TMEM244: variants seen among roughly 807,000 people sequenced by gnomAD.
TMEM244 encodes the protein transmembrane protein 244, also known as putative transmembrane protein 244.
In TMEM244, 13 loss-of-function variants were observed where a neutral mutation model predicts 15.8. That is an observed-to-expected ratio of 0.82 (90% CI 0.53 to 1.30). The LOEUF (loss-of-function observed/expected upper bound fraction) is 1.30, where lower values mean the gene tolerates loss of function less well. Ranked by LOEUF, TMEM244 falls within the 50% of genes most tolerant of loss-of-function variation. The pLI, the probability that TMEM244 is intolerant of heterozygous loss-of-function variation, is 0.00. For synonymous variants in TMEM244, 45 were observed against 48.7 expected, an observed-to-expected ratio of 0.92 and a Z score of 0.32; for missense variants, 161 against 144.9, an observed-to-expected ratio of 1.11 and a Z score of -0.57.
At chr6:129,848,534 A>G (rs1360601996) in intron 1 of TMEM244, among the ~76,000 whole-genome samples, 4 of 152,154 alleles carry the variant, frequency 2.6e-5, no homozygotes, top group East Asian at 1.9e-4. Context: ...CTTGGAAGGA[A>G]TCAATCTGGA....
At chr6:129,839,831 T>G (rs189929949) in intron 3 of TMEM244, among the ~76,000 whole-genome samples, 13 of 152,166 alleles carry the variant, frequency 8.5e-5, no homozygotes, top group Non-Finnish European at 1.8e-4. Flanking sequence ...CATTCACAAT[T>G]GCTACAAAGA....
intron 2 of TMEM244, 74 bp downstream of exon 2, chr6:129,845,693 A>C: frequency 9.2e-7 from 1 of 1,081,226 alleles, no homozygotes; most frequent in Non-Finnish European, 1.4e-6. Context: ...AAGACATATG[A>C]AATGTTAAAT....
intron 4 of TMEM244, among the ~76,000 whole-genome samples, chr6:129,831,706 T>C (rs1263764496): frequency 6.6e-6 from 1 of 152,198 alleles, no homozygotes. Flanking sequence ...TCCAAACCAC[T>C]TCACTCTGAA....
intron 3 of TMEM244, 62 bp downstream of exon 3, chr6:129,843,468 A>G (rs1776518196): frequency 8.4e-7 from 1 of 1,188,328 alleles, no homozygotes; most frequent in Non-Finnish European, 1.2e-6. Context: ...TTATTAAAAA[A>G]TTTATGGGGT....
At position 129,845,871 on chromosome 6, in the gene TMEM244, T is replaced by G; in HGVS notation, c.34-19A>C. 1 of 1,566,804 alleles carries G rather than the reference T, an allele frequency of 6.4e-7. No homozygotes were observed. Among genetic ancestry groups the G allele is most frequent in the Non-Finnish European group, 8.8e-7 (1 of 1,142,174 alleles). On this transcript the variant is annotated intron_variant, in intron 1 of 4. Transcript: ENST00000368143. ...AAACAACCTGTGGAGAAAACAGGCA[T>G]GAGGTCCAAGAGCCTGGGATTTTTC... is the stretch of plus-strand genomic sequence containing the variant.
intron 3 of TMEM244, among the ~76,000 whole-genome samples, chr6:129,842,250 A>G (rs929033770): frequency 2.0e-5 from 3 of 152,210 alleles, no homozygotes; most frequent in Non-Finnish European, 2.9e-5. Flanking sequence ...AAACACACAC[A>G]TGGCCCATAC....
At chr6:129,851,489 C>G (rs1189208792) in intron 1 of TMEM244, among the ~76,000 whole-genome samples, 2 of 152,074 alleles carry the variant, frequency 1.3e-5, no homozygotes, top group African/African-American at 2.4e-5. Flanking sequence ...AGGGTGGTCT[C>G]AAACTCCTGA....
chr6:129,857,290 C>T (rs1193118662), intron 1 of TMEM244, among the ~76,000 whole-genome samples: 2 of 150,822 alleles, frequency 1.3e-5, no homozygotes, highest in Admixed American at 6.7e-5. Context: ...AATAGTATCT[C>T]TAACATATAT....
chr6:129,832,031 C>T (rs912926820), intron 4 of TMEM244, among the ~76,000 whole-genome samples: 5 of 150,592 alleles, frequency 3.3e-5, no homozygotes, highest in East Asian at 1.9e-4. Context: ...CTAATAGCAG[C>T]GAAGCTAGGA....
intron 1 of TMEM244, among the ~76,000 whole-genome samples, chr6:129,848,446 C>A (rs879843817): frequency 6.6e-6 from 1 of 152,138 alleles, no homozygotes; most frequent in Non-Finnish European, 1.5e-5. Flanking sequence ...GGGACAGGCA[C>A]CTACTGCCTC....
chr6:129,859,412 G>A (rs1012506266), intron 1 of TMEM244, among the ~76,000 whole-genome samples: 4 of 152,192 alleles, frequency 2.6e-5, no homozygotes, highest in Admixed American at 2.6e-4. Flanking sequence ...CACAGCAAAG[G>A]CTCCGTCCTA....
intron 1 of TMEM244, among the ~76,000 whole-genome samples, chr6:129,857,386 C>T (rs988975116): frequency 6.6e-6 from 1 of 151,728 alleles, no homozygotes; most frequent in East Asian, 1.9e-4. Context: ...GATGGAGTCT[C>T]GCTCTGTCAC....
chr6:129,834,243 C>T (rs1451337455), intron 3 of TMEM244, among the ~76,000 whole-genome samples: 2 of 152,156 alleles, frequency 1.3e-5, no homozygotes, highest in Non-Finnish European at 2.9e-5. Flanking sequence ...CCACAAATCT[C>T]TAAGAGCCCT....
chr6:129,838,878 G>A (rs544541579), intron 3 of TMEM244, among the ~76,000 whole-genome samples: 50 of 152,236 alleles, frequency 3.3e-4, no homozygotes, highest in Admixed American at 1.1e-3. Flanking sequence ...GACTAAATCA[G>A]GAAGAAGCTG....
At chr6:129,858,045 T>C (rs1178830784) in intron 1 of TMEM244, among the ~76,000 whole-genome samples, 2 of 152,050 alleles carry the variant, frequency 1.3e-5, no homozygotes, top group Non-Finnish European at 2.9e-5. Context: ...GATTACCTAA[T>C]ATTGAACCAT....
intron 3 of TMEM244, among the ~76,000 whole-genome samples, chr6:129,838,473 A>T (rs969034013): frequency 3.9e-5 from 6 of 152,246 alleles, no homozygotes; most frequent in Admixed American, 3.9e-4. Context: ...AATGCCCACA[A>T]GAGAAAGCAG....
In TMEM244 at chr6:129,847,878, G is replaced by A. The variant is rs575052148; in HGVS notation, c.34-2026C>T. Among the ~76,000 whole-genome samples the A allele has an allele frequency of 3.3e-5, 5 of 150,826 alleles. No homozygotes were observed. In the East Asian group the frequency reaches 9.7e-4, roughly 29 times the overall value. On this transcript the variant is annotated intron_variant, in intron 1 of 4. Transcript: ENST00000368143. Reference sequence around the variant, plus strand: ...CAAACTCGGTCTCCCGGGTTCAAGCGATTCTCCTTCCTCAGCCTCCCTGGT... The same window carrying A: ...CAAACTCGGTCTCCCGGGTTCAAGCAATTCTCCTTCCTCAGCCTCCCTGGT...
intron 3 of TMEM244, among the ~76,000 whole-genome samples, chr6:129,838,602 T>C (rs1776441756): frequency 6.6e-6 from 1 of 151,874 alleles, no homozygotes; most frequent in Non-Finnish European, 1.5e-5. Flanking sequence ...CTGAAGGAGA[T>C]GGAGACACAA....
intron 3 of TMEM244, 123 bp from the exon 4 acceptor site, chr6:129,833,708 G>T: frequency 1.0e-6 from 1 of 956,980 alleles, no homozygotes; most frequent in South Asian, 1.8e-5. Flanking sequence ...TTTTTTAAAT[G>T]TTCCATTTCC....
Sources: allele counts gnomAD v4.1 joint callset (sites outside exome capture counted in the v4.1 genomes callset), GRCh38; gene constraint gnomAD v4.1.1; transcripts MANE v1.5; gene names NCBI Gene and HGNC (gene_info 2026-07-23, HGNC 2026-07-21).